The following NCOR2 variants were observed in gnomAD, a reference collection of about 807,000 sequenced individuals.
NCOR2 encodes CTG repeat protein 26.
NCOR2 carries 81 observed loss-of-function variants against 262.9 expected under a neutral mutation model. The ratio of observed to expected loss-of-function variants is 0.31; its 90% CI spans 0.26 to 0.37. The LOEUF (loss-of-function observed/expected upper bound fraction) is 0.37. Ranked by LOEUF, NCOR2 falls within the 10% of genes least tolerant of loss-of-function variation. The pLI, the probability that NCOR2 is intolerant of heterozygous loss-of-function variation, is 1.00. For synonymous variants in NCOR2, 1,659 were observed against 1,559.3 expected (o/e 1.06, Z -1.51); for missense variants, 3,385 against 3,621.4 (o/e 0.93, Z 1.68).
chr12:124,421,460 A>AG (rs2043199516), intron 12 of NCOR2, among the ~76,000 whole-genome samples: 1 of 152,182 alleles, frequency 6.6e-6, no homozygotes, highest in Non-Finnish European at 1.5e-5. Context: ...GGCTATTTAT[A>AG]GGGCTTGTTT....
At chr12:124,331,019 G>A (rs1477146941) in intron 43 of NCOR2, 121 bp from the exon 46 acceptor site, 1 of 976,362 alleles carries the variant, frequency 1.0e-6, no homozygotes, top group Admixed American at 2.2e-5. Context: ...TGCATTGCAG[G>A]TTCTCATGCA....
chr12:124,356,797 G>T lies in NCOR2; in HGVS notation c.3101-15C>A. 6.8e-7 allele frequency: 1 copy of T among 1,461,254 alleles called. No individual in the cohort carries two copies. Among genetic ancestry groups the T allele is most frequent in the Non-Finnish European group, 9.0e-7 (1 of 1,115,058 alleles). 90.5% of individuals were successfully genotyped at this position (1,461,254 alleles called of 1,614,324 possible). A position where few individuals can be genotyped will look rare whatever the true frequency, so the allele number is the denominator to read the frequency against. Reference sequence around the variant, plus strand: ...GGCTGCGAAGGCTGGGAAGAACACAGGCTTCTCTGCTGAGGGCAGGAGGTG... The same window carrying T: ...GGCTGCGAAGGCTGGGAAGAACACATGCTTCTCTGCTGAGGGCAGGAGGTG... On this transcript the variant is annotated splice_polypyrimidine_tract_variant and intron_variant, in intron 22 of 46. Transcript: ENST00000405201.
At chr12:124,555,700 A>C (rs1411738207) in intron 1 of NCOR2, among the ~76,000 whole-genome samples, 4 of 152,176 alleles carry the variant, frequency 2.6e-5, no homozygotes, top group Non-Finnish European at 5.9e-5. Context: ...CCGCCCAGAA[A>C]GCTGCAGTGG....
Position 124,336,889 on chromosome 12 carries a change from GC to G in NCOR2, c.5978del (p.Arg1993ProfsTer64). The G allele has an allele frequency of 6.2e-7, 1 of 1,607,438 alleles. No individual in the cohort carries two copies. The highest frequency in any genetic ancestry group is 8.5e-7 in the Non-Finnish European group (1 of 1,176,466). Reference sequence around the variant, plus strand: ...GAGGTGCGAGGTTCTTCGCAGGGGTGCGGGCGATGGTGGCGTGGCCAGAGAC... The same window carrying G: ...GAGGTGCGAGGTTCTTCGCAGGGGTGGGGCGATGGTGGCGTGGCCAGAGAC... On this transcript the variant is annotated frameshift_variant, in exon 38 of 47. Coordinates refer to ENST00000405201, the Ensembl canonical transcript of NCOR2. LOFTEE classifies it high-confidence loss of function.
chr12:124,546,199 G>A (rs776947442), intron 1 of NCOR2, among the ~76,000 whole-genome samples: 1 of 152,162 alleles, frequency 6.6e-6, no homozygotes, highest in Non-Finnish European at 1.5e-5. Context: ...TTTCCTCGCC[G>A]TAAAATAGAA....
chr12:124,493,922 A>C (rs1038085636), intron 1 of NCOR2, among the ~76,000 whole-genome samples: 5 of 152,106 alleles, frequency 3.3e-5, no homozygotes, highest in Non-Finnish European at 5.9e-5. Flanking sequence ...CAGTCTCCTC[A>C]TCTGCGAAGT....
intron 1 of NCOR2, among the ~76,000 whole-genome samples, chr12:124,561,556 G>A (rs1229179143): frequency 1.3e-5 from 2 of 152,200 alleles, no homozygotes; most frequent in Non-Finnish European, 2.9e-5. Flanking sequence ...GCCGGTGGGA[G>A]AGGAAGTGGG....
At chr12:124,334,172 T>C (rs1161382510) in intron 41 of NCOR2, among the ~76,000 whole-genome samples, 1 of 152,194 alleles carries the variant, frequency 6.6e-6, no homozygotes, top group African/African-American at 2.4e-5. Flanking sequence ...CTATGTCTCC[T>C]GGGGGGCTGT....
At chr12:124,480,863 G>A (rs1311228717) in intron 3 of NCOR2, among the ~76,000 whole-genome samples, 2 of 147,346 alleles carry the variant, frequency 1.4e-5, no homozygotes, top group East Asian at 4.1e-4. Context: ...GCAAGGGAAT[G>A]GGGGAGGTGA....
intron 17 of NCOR2, among the ~76,000 whole-genome samples, chr12:124,382,531 T>C (rs2040488019): frequency 6.6e-6 from 1 of 152,228 alleles, no homozygotes; most frequent in Non-Finnish European, 1.5e-5. Flanking sequence ...TTTGACTGTG[T>C]CATTCGGATC....
intron 31 of NCOR2, among the ~76,000 whole-genome samples, chr12:124,345,166 G>A (rs1270249670): frequency 1.3e-5 from 2 of 152,100 alleles, no homozygotes; most frequent in African/African-American, 2.4e-5. Context: ...TGGTCCCCAC[G>A]CTCCCTGGGG....
At chr12:124,380,453 C>T (rs1450657986) in intron 17 of NCOR2, among the ~76,000 whole-genome samples, 1 of 152,200 alleles carries the variant, frequency 6.6e-6, no homozygotes, top group Non-Finnish European at 1.5e-5. Flanking sequence ...CCACAGGGCC[C>T]ACAGGGATGC....
At chr12:124,335,544 G>A (rs745591468) in exon 39 of NCOR2, 17 of 1,609,370 alleles carry the variant, frequency 1.1e-5, no homozygotes, top group African/African-American at 6.7e-5. Flanking sequence ...CCAGGTGCTT[G>A]GGGAGCCCCT....
chr12:124,425,146 G>C (rs1004917506), intron 11 of NCOR2, among the ~76,000 whole-genome samples: 1 of 152,164 alleles, frequency 6.6e-6, no homozygotes, highest in Non-Finnish European at 1.5e-5. Context: ...AGGCCGAGAC[G>C]GGCGGATCAC....
chr12:124,340,173 C>CTG lies in NCOR2; in HGVS notation c.5519_5520insCA (p.Gly1841ArgfsTer41). ...CGGGGCGGCTGCTGCTGCCCCCACC[C>CTG]CCGCCGCTGCTGCCGCTGCTCTGCT... is the stretch of plus-strand genomic sequence containing the variant. On this transcript the variant is annotated frameshift_variant, in exon 37 of 47. Coordinates refer to ENST00000405201, the Ensembl canonical transcript of NCOR2. LOFTEE classifies it high-confidence loss of function. 1.9e-6 allele frequency: 1 copy of CTG among 533,862 alleles called. No homozygotes were observed. Among genetic ancestry groups the CTG allele is most frequent in the Non-Finnish European group, 2.9e-6 (1 of 343,642 alleles). 33.1% of individuals were successfully genotyped at this position (533,862 alleles called of 1,614,324 possible). A position where few individuals can be genotyped will look rare whatever the true frequency, so the allele number is the denominator to read the frequency against.
At chr12:124,369,615 C>T (rs866478351) in intron 20 of NCOR2, among the ~76,000 whole-genome samples, 4 of 152,078 alleles carry the variant, frequency 2.6e-5, no homozygotes, top group South Asian at 2.1e-4. Flanking sequence ...CCGGCCAGGA[C>T]GAGGTCAGCA....
intron 28 of NCOR2, among the ~76,000 whole-genome samples, chr12:124,349,874 T>C (rs903794069): frequency 1.4e-4 from 22 of 152,018 alleles, no homozygotes; most frequent in African/African-American, 5.3e-4. Context: ...AAGACACAGC[T>C]GCAGGCCTGT....
chr12:124,491,733 G>C (rs1334167445), intron 1 of NCOR2, among the ~76,000 whole-genome samples: 1 of 152,218 alleles, frequency 6.6e-6, no homozygotes, highest in Non-Finnish European at 1.5e-5. Flanking sequence ...GAGGCCAGGA[G>C]AGGAGGAGGC....
rs376828893 is a variant in NCOR2 at position 124,330,917 on chromosome 12, G to A, written c.6905-19C>T. Reference sequence around the variant, plus strand: ...CTGATATCTGGAAGCGGGTGACAGAGTGGGTGAGGCCCCCAGGTCTCTGGG... The same window carrying A: ...CTGATATCTGGAAGCGGGTGACAGAATGGGTGAGGCCCCCAGGTCTCTGGG... On this transcript the variant is annotated intron_variant, in intron 43 of 46. Coordinates refer to ENST00000405201, the Ensembl canonical transcript of NCOR2. The A allele has an allele frequency of 1.7e-5, 27 of 1,573,552 alleles. No homozygotes were observed. The African/African-American group carries it at 2.4e-4, about 14-fold the overall frequency.
Sources: allele counts gnomAD v4.1 joint callset (sites outside exome capture counted in the v4.1 genomes callset), GRCh38; gene constraint gnomAD v4.1.1; transcripts MANE v1.5; gene names NCBI Gene and HGNC (gene_info 2026-07-23, HGNC 2026-07-21).